Variants in RBFOX1 observed in about 807,000 individuals in gnomAD.
The protein encoded by RBFOX1 is RNA binding fox-1 homolog 1.
A neutral mutation model predicts 57.7 loss-of-function variants in RBFOX1; 8 were observed. That is an observed-to-expected ratio of 0.14 (90% CI 0.08 to 0.25). The LOEUF (loss-of-function observed/expected upper bound fraction) is 0.25, where lower values mean the gene tolerates loss of function less well. Ranked by LOEUF, RBFOX1 falls within the 10% of genes least tolerant of loss-of-function variation. RBFOX1 has a pLI of 1.00. For synonymous variants in RBFOX1, 326 were observed against 222.4 expected (o/e 1.47, Z -4.15); for missense variants, 611 against 548.5 (o/e 1.11, Z -1.14).
intron 5 of RBFOX1, among the ~76,000 whole-genome samples, chr16:7,567,376 T>TAC: frequency 7.0e-6 from 1 of 142,654 alleles, no homozygotes; most frequent in African/African-American, 2.6e-5. Context: ...TATATATATA[T>TAC]CCCTATGTAT....
intron 3 of RBFOX1, among the ~76,000 whole-genome samples, chr16:6,989,966 A>G (rs572612489): frequency 6.6e-6 from 1 of 152,072 alleles, no homozygotes; most frequent in Non-Finnish European, 1.5e-5. Context: ...GCACCACCGC[A>G]CTCCAGCCTG....
At chr16:5,924,605 C>G (rs2058903783) in intron 4 of RBFOX1, among the ~76,000 whole-genome samples, 1 of 152,164 alleles carries the variant, frequency 6.6e-6, no homozygotes, top group African/African-American at 2.4e-5. Flanking sequence ...GCCTGAAGCC[C>G]TCAGCAGAAA....
At chr16:6,893,494 G>C (rs768640230) in intron 3 of RBFOX1, among the ~76,000 whole-genome samples, 2 of 152,118 alleles carry the variant, frequency 1.3e-5, no homozygotes, top group Non-Finnish European at 2.9e-5. Context: ...TCCCTTGTCA[G>C]TATCAACAGC....
intron 2 of RBFOX1, among the ~76,000 whole-genome samples, chr16:6,578,786 T>C (rs188648341): frequency 9.1e-4 from 138 of 152,202 alleles, no homozygotes; most frequent in Non-Finnish European, 1.5e-3. Flanking sequence ...AATGTATTTA[T>C]TAAATATAAT....
chr16:6,950,982 T>C (rs757873095), intron 3 of RBFOX1, among the ~76,000 whole-genome samples: 1 of 152,050 alleles, frequency 6.6e-6, no homozygotes, highest in African/African-American at 2.4e-5. Flanking sequence ...CACAGCTCAT[T>C]GCAGCCTCAA....
chr16:7,052,374 T>C (rs1037374044), intron 4 of RBFOX1, among the ~76,000 whole-genome samples: 3 of 152,346 alleles, frequency 2.0e-5, no homozygotes, highest in Admixed American at 1.3e-4. Flanking sequence ...CATTGTACTC[T>C]TTTTATGTAC....
chr16:7,114,569 A>G (rs1652923254), intron 4 of RBFOX1, among the ~76,000 whole-genome samples: 1 of 152,194 alleles, frequency 6.6e-6, no homozygotes, highest in African/African-American at 2.4e-5. Context: ...ATTGAATACC[A>G]TCTATTTATC....
intron 4 of RBFOX1, among the ~76,000 whole-genome samples, chr16:7,458,568 C>G (rs2058976944): frequency 6.6e-6 from 1 of 152,214 alleles, no homozygotes. Context: ...ACCTACTTCC[C>G]TAGCATTCTT....
chr16:7,400,355 C>G (rs921679258), intron 4 of RBFOX1, among the ~76,000 whole-genome samples: 1 of 152,188 alleles, frequency 6.6e-6, no homozygotes, highest in African/African-American at 2.4e-5. Context: ...CTGAACCCAT[C>G]TTTAAGGAAA....
chr16:5,314,023 A>C (rs1439458605), intron 1 of RBFOX1, among the ~76,000 whole-genome samples: 4 of 152,196 alleles, frequency 2.6e-5, no homozygotes, highest in Non-Finnish European at 5.9e-5. Context: ...AACACGTAAT[A>C]ATAGTAATAA....
intron 3 of RBFOX1, among the ~76,000 whole-genome samples, chr16:5,788,450 G>A (rs1312863088): frequency 6.6e-6 from 1 of 152,100 alleles, no homozygotes; most frequent in African/African-American, 2.4e-5. Context: ...CCAATGTGGT[G>A]AAACACTGTC....
In RBFOX1 at chr16:7,712,409, T is replaced by C. The variant is rs78452246; in HGVS notation, c.*1664T>C. 2.6e-5 allele frequency: 4 copies of C among 152,612 alleles called. No individual in the cohort carries two copies. In the East Asian group the frequency reaches 5.8e-4, roughly 22 times the overall value. The allele number at this position is 152,612 out of a possible 1,614,324, so 9.5% of individuals were successfully genotyped here. ...AACCAAACAAAACTTTAAAAAAAAA[T>C]GTGTGATCCAGCTTTCTCTTGCCAT... On this transcript the variant is annotated 3_prime_UTR_variant, in exon 16 of 16. Coordinates refer to ENST00000550418, the MANE Select transcript of RBFOX1 (RefSeq NM_018723.4).
intron 4 of RBFOX1, among the ~76,000 whole-genome samples, chr16:7,075,390 T>G (rs1298244089): frequency 1.3e-5 from 2 of 152,198 alleles, no homozygotes; most frequent in African/African-American, 4.8e-5. Flanking sequence ...CTGTGTTGCC[T>G]TGTAACAGTG....
intron 10 of RBFOX1, among the ~76,000 whole-genome samples, chr16:7,624,788 G>C (rs1244587010): frequency 6.6e-6 from 1 of 152,094 alleles, no homozygotes; most frequent in African/African-American, 2.4e-5. Flanking sequence ...TTCTATTTTT[G>C]TGTGACTCTG....
intron 3 of RBFOX1, among the ~76,000 whole-genome samples, chr16:5,795,834 T>C (rs2054859743): frequency 6.6e-6 from 1 of 152,236 alleles, no homozygotes; most frequent in Admixed American, 6.5e-5. Context: ...ATTTGCTTTT[T>C]TTCACTGATT....
chr16:5,504,416 A>G (rs2043306812), intron 2 of RBFOX1, among the ~76,000 whole-genome samples: 2 of 152,230 alleles, frequency 1.3e-5, no homozygotes, highest in Non-Finnish European at 2.9e-5. Context: ...TCTTCAGGCC[A>G]TTGAGAAGCA....
At chr16:6,711,587 GT>G (rs1455949411) in intron 3 of RBFOX1, among the ~76,000 whole-genome samples, 1 of 152,172 alleles carries the variant, frequency 6.6e-6, no homozygotes, top group Admixed American at 6.5e-5. Context: ...CTGACACCAT[GT>G]AAGACATGCC....
chr16:6,977,135 ATATAT>A (rs1351875991), intron 3 of RBFOX1, among the ~76,000 whole-genome samples: 6 of 135,890 alleles, frequency 4.4e-5, no homozygotes, highest in African/African-American at 1.4e-4. Context: ...TATATATGAT[ATATAT>A]TATATATATC....
chr16:5,489,916 C>T (rs749093723), intron 2 of RBFOX1, among the ~76,000 whole-genome samples: 37 of 152,250 alleles, frequency 2.4e-4, no homozygotes, highest in African/African-American at 5.3e-4. Context: ...ACCTTAAGCG[C>T]TGAATCCAAG....
Sources: gnomAD v4.1 joint callset for allele counts (sites outside exome capture counted in the v4.1 genomes callset) on GRCh38, gnomAD v4.1.1 for gene constraint, MANE v1.5 for transcripts, NCBI Gene and HGNC (gene_info 2026-07-23, HGNC 2026-07-21) for gene names.